TAF1: variants seen among roughly 807,000 people sequenced by gnomAD.
TAF1 encodes transcription initiation factor TFIID subunit 1.
Under a neutral mutation model 138.5 loss-of-function variants are expected in TAF1, and 2 were observed. That is an observed-to-expected ratio of 0.01 (90% CI 0.01 to 0.05). The LOEUF (loss-of-function observed/expected upper bound fraction) is 0.05. Ranked by LOEUF, TAF1 falls within the 10% of genes least tolerant of loss-of-function variation. TAF1 has a pLI of 1.00. For missense variants in TAF1, 709 were observed against 1,478.0 expected, an observed-to-expected ratio of 0.48 and a Z score of 8.53; for synonymous variants, 437 against 503.2, an observed-to-expected ratio of 0.87 and a Z score of 1.76.
intron 35 of TAF1, 108 bp downstream of exon 35, chrX:71,458,474 C>A: frequency 9.8e-7 from 1 of 1,024,403 alleles, no homozygotes; most frequent in Non-Finnish European, 1.3e-6. Context: ...AATGACTGGG[C>A]CCTTTGGCCC....
Position 71,455,336 on chromosome X carries a change from AG to A in TAF1, c.4938+481del, listed in dbSNP as rs1433933827. Among the ~76,000 whole-genome samples, 22 of 111,895 alleles carry A rather than the reference AG, an allele frequency of 2.0e-4. No individual in the cohort carries two copies. In the Admixed American group the frequency reaches 2.1e-3, roughly 11 times the overall value. On this transcript the variant is annotated intron_variant, in intron 34 of 37. Transcript: ENST00000423759. Reference sequence around the variant, plus strand: ...GGATTGACTCCTAGTAAATGAAGAAAGGTAGTATTAATAATGTTCTTAAATG... The same window carrying A: ...GGATTGACTCCTAGTAAATGAAGAAAGTAGTATTAATAATGTTCTTAAATG...
chrX:71,389,880 T>C, intron 18 of TAF1: 1 of 285,976 alleles, frequency 3.5e-6, no homozygotes, highest in Non-Finnish European at 6.0e-6. Context: ...GTTTTGTTTT[T>C]TGACAGAATC....
intron 32 of TAF1, among the ~76,000 whole-genome samples, chrX:71,450,449 C>T (rs2037907498): frequency 8.9e-6 from 1 of 112,297 alleles, no homozygotes; most frequent in Admixed American, 9.4e-5. Context: ...ATGATCTCCC[C>T]ACCTCGGCCT....
At chrX:71,511,026 C>G (rs1376514313) in intron 13 of TAF1, among the ~76,000 whole-genome samples, 9 of 110,957 alleles carry the variant, frequency 8.1e-5, no homozygotes, top group African/African-American at 2.6e-4. Context: ...TTGCTTGAAC[C>G]TGGGAGGCAG....
rs769288293 is a variant in TAF1, at chrX:71,366,407, T to A, written c.33T>A (p.Ala11=). 1 of 1,201,568 alleles carries A rather than the reference T, an allele frequency of 8.3e-7. No individual in the cohort carries two copies. Among genetic ancestry groups the A allele is most frequent in the South Asian group, 1.8e-5 (1 of 56,437 alleles). The part of the protein sequence containing the change: MSDTDSDEDS[A]GGGPFSLAGF... The stretch of plus-strand genomic sequence containing the variant: ...ACACGGACAGCGACGAAGATTCCGC[T>A]GGAGGCGGCCCATTTTCTTTAGCGG... Residue 11 remains alanine (A), a synonymous_variant, in exon 1 of 38, where the codon GCT becomes GCA. Transcript: ENST00000423759.
chrX:71,505,107 G>A (rs1233160413), intron 13 of TAF1, among the ~76,000 whole-genome samples: 1 of 109,701 alleles, frequency 9.1e-6, no homozygotes. Flanking sequence ...CACCAGCCTG[G>A]GCAACAGAGC....
intron 15 of TAF1, 148 bp from the exon 16 acceptor site, chrX:71,388,089 G>A: frequency 1.2e-6 from 1 of 862,169 alleles, no homozygotes; most frequent in Non-Finnish European, 1.6e-6. Context: ...GACAGAGCGA[G>A]ACTCCGTCTC....
intron 13 of TAF1, among the ~76,000 whole-genome samples, chrX:71,526,688 G>A (rs990770755): frequency 1.8e-5 from 2 of 111,100 alleles, no homozygotes; most frequent in Non-Finnish European, 1.9e-5. Context: ...TAATGTACAA[G>A]GTATATGTAA....
rs2034395252 is a variant in TAF1, at chrX:71,388,883, C to T, written c.2700+15C>T. 1.7e-6 allele frequency: 2 copies of T among 1,195,053 alleles called. No individual in the cohort carries two copies. The highest frequency in any genetic ancestry group is 2.3e-6 in the Non-Finnish European group (2 of 886,025). On this transcript the variant is annotated intron_variant, in intron 17 of 37. Coordinates refer to ENST00000423759, the MANE Select transcript of TAF1 (RefSeq NM_004606.5). ...AACGACTGAAGGTGAACACCTTCCT[C>T]TTAGACACCACTTATGCCTGTGGTT...
chrX:71,406,890 T>C, intron 26 of TAF1, 144 bp downstream of exon 26: 1 of 399,788 alleles, frequency 2.5e-6, no homozygotes. Context: ...ATTTCTAAAA[T>C]ATGTTTGTCT....
chrX:71,488,832 C>T (rs1342086084), intron 13 of TAF1, among the ~76,000 whole-genome samples: 2 of 109,445 alleles, frequency 1.8e-5, no homozygotes, highest in Non-Finnish European at 3.8e-5. Flanking sequence ...TTTGGGAGGC[C>T]GAGGCAGGTG....
intron 32 of TAF1, among the ~76,000 whole-genome samples, chrX:71,452,633 G>A (rs2038065247): frequency 9.0e-6 from 1 of 111,715 alleles, no homozygotes; most frequent in Non-Finnish European, 1.9e-5. Flanking sequence ...GCCAGGCAGA[G>A]ATGCTCCTCA....
intron 7 of TAF1, 127 bp downstream of exon 7, chrX:71,378,580 A>G: frequency 1.2e-6 from 1 of 850,111 alleles, no homozygotes; most frequent in Non-Finnish European, 1.7e-6. Flanking sequence ...GAGGTGTCTC[A>G]GCCTTTTATT....
intron 13 of TAF1, among the ~76,000 whole-genome samples, chrX:71,508,837 C>T (rs780423409): frequency 9.4e-6 from 1 of 106,324 alleles, no homozygotes; most frequent in East Asian, 2.9e-4. Flanking sequence ...GATGGGGTCT[C>T]ACTCTGTTGC....
chrX:71,406,606 G>A (rs1231658824), intron 25 of TAF1, 32 bp from the exon 26 acceptor site: 1 of 1,165,078 alleles, frequency 8.6e-7, no homozygotes, highest in Non-Finnish European at 1.2e-6. Context: ...TAGAAATAGG[G>A]GCTGTATCTA....
intron 3 of TAF1, among the ~76,000 whole-genome samples, chrX:71,370,547 G>A (rs1300677177): frequency 1.8e-5 from 2 of 111,362 alleles, no homozygotes; most frequent in East Asian, 2.8e-4. Context: ...ATGAGGTTTC[G>A]CCATCTTGGC....
chrX:71,518,769 C>T (rs1359670421), intron 13 of TAF1, among the ~76,000 whole-genome samples: 1 of 96,268 alleles, frequency 1.0e-5, no homozygotes, highest in Non-Finnish European at 2.0e-5. Flanking sequence ...AATCTCGGCT[C>T]ATTGCAACCT....
At chrX:71,476,181 A>G (rs1350938661) in intron 13 of TAF1, among the ~76,000 whole-genome samples, 1 of 112,085 alleles carries the variant, frequency 8.9e-6, no homozygotes, top group Admixed American at 9.6e-5. Flanking sequence ...GATATCTTAA[A>G]TTGATCTATG....
At chrX:71,400,769 T>C (rs1226370727) in intron 24 of TAF1, among the ~76,000 whole-genome samples, 1 of 112,719 alleles carries the variant, frequency 8.9e-6, no homozygotes, top group Non-Finnish European at 1.9e-5. Context: ...CTATAAAATA[T>C]TCAACAAATG....
Sources: allele counts gnomAD v4.1 joint callset (sites outside exome capture counted in the v4.1 genomes callset), GRCh38; gene constraint gnomAD v4.1.1; transcripts MANE v1.5; gene names NCBI Gene and HGNC (gene_info 2026-07-23, HGNC 2026-07-21).